The following NAALADL2 variants were observed in gnomAD, a reference collection of about 807,000 sequenced individuals.
NAALADL2 encodes the protein N-acetylated alpha-linked acidic dipeptidase like 2.
A neutral mutation model predicts 87.2 loss-of-function variants in NAALADL2; 76 were observed. The observed-to-expected ratio is 0.87, with a 90% CI of 0.72 to 1.05. The LOEUF (loss-of-function observed/expected upper bound fraction) is 1.05. Ranked by LOEUF, NAALADL2 falls within the 50% of genes least tolerant of loss-of-function variation. The pLI is 0.00. For synonymous variants in NAALADL2, 354 were observed against 331.0 expected (o/e 1.07, Z -0.75); for missense variants, 1,089 against 945.8 (o/e 1.15, Z -1.99).
At chr3:175,316,455 A>ATAGT (rs1409376012) in intron 4 of NAALADL2, among the ~76,000 whole-genome samples, 2 of 152,142 alleles carry the variant, frequency 1.3e-5, no homozygotes, top group Admixed American at 6.6e-5. Context: ...CCTATCACAT[A>ATAGT]TAGTTATTTG....
At chr3:174,602,074 T>C (rs1718509663) in intron 2 of NAALADL2, among the ~76,000 whole-genome samples, 1 of 152,176 alleles carries the variant, frequency 6.6e-6, no homozygotes, top group Non-Finnish European at 1.5e-5. Context: ...TGAAGTCAGG[T>C]AACTGAGCAT....
intron 2 of NAALADL2, among the ~76,000 whole-genome samples, chr3:174,682,128 G>A (rs1245973141): frequency 6.6e-6 from 1 of 152,182 alleles, no homozygotes; most frequent in Admixed American, 6.5e-5. Context: ...GGAGAGAAGG[G>A]GGAAGAGTGA....
At chr3:175,755,068 CAAA>C (rs879131188) in intron 12 of NAALADL2, among the ~76,000 whole-genome samples, 149 bp from the exon 13 acceptor site, 1 of 150,280 alleles carries the variant, frequency 6.7e-6, no homozygotes, top group Non-Finnish European at 1.5e-5. Context: ...TGTCAAGTGA[CAAA>C]AAAAAAGAGA....
chr3:175,270,051 T>C (rs189749428), intron 4 of NAALADL2, among the ~76,000 whole-genome samples: 39 of 152,230 alleles, frequency 2.6e-4, no homozygotes, highest in African/African-American at 8.4e-4. Context: ...ATTTTCAAAA[T>C]AAATAAATGT....
At chr3:175,417,928 G>T (rs373657758) in intron 5 of NAALADL2, among the ~76,000 whole-genome samples, 2 of 152,094 alleles carry the variant, frequency 1.3e-5, no homozygotes, top group East Asian at 3.9e-4. Flanking sequence ...TCTGTTTAAT[G>T]GATTGAGCTC....
intron 2 of NAALADL2, among the ~76,000 whole-genome samples, chr3:174,553,592 C>T (rs148513708): frequency 7.8e-4 from 119 of 152,140 alleles, no homozygotes; most frequent in Non-Finnish European, 1.2e-3. Flanking sequence ...TAATTCATTC[C>T]ACTTATGTTT....
chr3:174,528,880 C>G (rs1032652797), intron 1 of NAALADL2, among the ~76,000 whole-genome samples: 2 of 152,056 alleles, frequency 1.3e-5, no homozygotes, highest in Non-Finnish European at 2.9e-5. Context: ...CGCACTGGGT[C>G]CCTCCCACAA....
chr3:175,723,480 A>G (rs1742513664), intron 11 of NAALADL2, among the ~76,000 whole-genome samples: 1 of 152,172 alleles, frequency 6.6e-6, no homozygotes, highest in African/African-American at 2.4e-5. Flanking sequence ...TGGTGGTAAC[A>G]TGGTAATATG....
At chr3:174,673,547 GA>G in intron 2 of NAALADL2, among the ~76,000 whole-genome samples, 1 of 150,868 alleles carries the variant, frequency 6.6e-6, no homozygotes, top group Non-Finnish European at 1.5e-5. Flanking sequence ...GCCAGGCACA[GA>G]AAAACAAATA....
intron 1 of NAALADL2, among the ~76,000 whole-genome samples, chr3:174,485,742 T>G (rs1318592409): frequency 6.6e-6 from 1 of 152,020 alleles, no homozygotes; most frequent in Non-Finnish European, 1.5e-5. Context: ...CTATTGTGAA[T>G]AGTGCTGTAG....
intron 4 of NAALADL2, among the ~76,000 whole-genome samples, chr3:175,310,801 AT>A (rs1429342764): frequency 1.3e-5 from 2 of 152,104 alleles, no homozygotes. Context: ...AGCACTAAAA[AT>A]AAATAGTAAG....
intron 9 of NAALADL2, among the ~76,000 whole-genome samples, chr3:175,513,776 A>G (rs972817591): frequency 6.6e-6 from 1 of 152,216 alleles, no homozygotes; most frequent in Non-Finnish European, 1.5e-5. Flanking sequence ...AGAAAGATGT[A>G]CATTAGTAGC....
chr3:174,636,201 G>C (rs1722632900), intron 2 of NAALADL2, among the ~76,000 whole-genome samples: 3 of 151,950 alleles, frequency 2.0e-5, no homozygotes, highest in Admixed American at 1.3e-4. Context: ...GATGTATTAA[G>C]GACTGAAACA....
intron 1 of NAALADL2, among the ~76,000 whole-genome samples, chr3:174,943,455 G>A (rs1190118192): frequency 6.6e-6 from 1 of 152,154 alleles, no homozygotes. Flanking sequence ...TTGAAAGTGA[G>A]AGTTCCTCTC....
chr3:175,565,238 T>A (rs1716917176), intron 9 of NAALADL2, among the ~76,000 whole-genome samples: 1 of 152,180 alleles, frequency 6.6e-6, no homozygotes, highest in South Asian at 2.1e-4. Flanking sequence ...ACAAAACTTT[T>A]AGTCTGTAAA....
chr3:175,293,677 C>A (rs1346873393), intron 4 of NAALADL2, among the ~76,000 whole-genome samples: 1 of 152,132 alleles, frequency 6.6e-6, no homozygotes, highest in Non-Finnish European at 1.5e-5. Context: ...AGACCTCTTT[C>A]ACTCTTTCTG....
At chr3:175,221,541 T>C (rs1480187426) in intron 2 of NAALADL2, among the ~76,000 whole-genome samples, 1 of 152,070 alleles carries the variant, frequency 6.6e-6, no homozygotes, top group African/African-American at 2.4e-5. Context: ...ACAGAGGAGT[T>C]TGGTAAAATT....
At chr3:175,609,791 T>C (rs1724349269) in intron 10 of NAALADL2, among the ~76,000 whole-genome samples, 1 of 152,150 alleles carries the variant, frequency 6.6e-6, no homozygotes, top group Non-Finnish European at 1.5e-5. Flanking sequence ...CAACTGCTAG[T>C]CACTAGTCAC....
intron 2 of NAALADL2, among the ~76,000 whole-genome samples, chr3:174,727,812 C>A (rs891453954): frequency 1.3e-5 from 2 of 152,062 alleles, no homozygotes; most frequent in South Asian, 4.1e-4. Flanking sequence ...TGGCACATAT[C>A]GACCATTAGA....
Sources: gnomAD v4.1 joint callset for allele counts (sites outside exome capture counted in the v4.1 genomes callset) on GRCh38, gnomAD v4.1.1 for gene constraint, MANE v1.5 for transcripts, NCBI Gene and HGNC (gene_info 2026-07-23, HGNC 2026-07-21) for gene names.